Variants in GABRA3 observed in about 807,000 individuals in gnomAD.
GABRA3 encodes the protein gamma-aminobutyric acid type A receptor subunit alpha3.
GABRA3 carries 10 observed loss-of-function variants against 30.1 expected under a neutral mutation model. The ratio of observed to expected loss-of-function variants is 0.33; its 90% confidence interval spans 0.20 to 0.56. The LOEUF (loss-of-function observed/expected upper bound fraction) is 0.56, where lower values mean the gene tolerates loss of function less well. Among genes scored for constraint, GABRA3 ranks in the 20% least tolerant of loss-of-function variants. The pLI is 0.89. For missense variants in GABRA3, 233 were observed against 392.0 expected (o/e 0.59, Z 3.42); for synonymous variants, 151 against 146.8 (o/e 1.03, Z -0.21).
chrX:152,433,347 C>T (rs12690216), intron 1 of GABRA3, among the ~76,000 whole-genome samples: 27,350 of 107,533 alleles, frequency 0.25, 3,040 homozygotes, highest in East Asian at 0.44. Context: ...AGGGCAAAAT[C>T]GTTTTCATTT....
At chrX:152,340,997 T>C (rs1940304698) in intron 3 of GABRA3, among the ~76,000 whole-genome samples, 1 of 111,458 alleles carries the variant, frequency 9.0e-6, no homozygotes, top group African/African-American at 3.3e-5. Context: ...TTGTACCCAA[T>C]ATGTACTTTT....
intron 4 of GABRA3, among the ~76,000 whole-genome samples, chrX:152,273,791 A>G (rs2124428883): frequency 8.9e-6 from 1 of 111,846 alleles, no homozygotes; most frequent in South Asian, 3.7e-4. Context: ...GGGGAAGGGT[A>G]GTAGGGAGGA....
intron 6 of GABRA3, among the ~76,000 whole-genome samples, chrX:152,215,051 TA>T (rs200413997): frequency 0.013 from 1,322 of 105,250 alleles, 19 homozygotes; most frequent in African/African-American, 0.043. Context: ...TATATATATA[TA>T]TATTTTTTTA....
Position 152,291,977 on chromosome X carries a change from C to CT in GABRA3, c.263-7243dup, listed in dbSNP as rs755405064. On this transcript the variant is annotated intron_variant, in intron 3 of 9. Transcript: ENST00000370314. ...ATCAGGGATATTGGTTTAAAATTCT[C>CT]TTTTTTTTGTTGTGTCTCTGCCAGG... 4.9e-3 allele frequency among the ~76,000 whole-genome samples: 540 copies of CT among 111,088 alleles called. 12 individuals carry two copies. Among genetic ancestry groups the CT allele is most frequent in the African/African-American group, 0.016 (497 of 30,546 alleles).
intron 4 of GABRA3, among the ~76,000 whole-genome samples, chrX:152,269,179 CA>C (rs1293932236): frequency 1.8e-5 from 2 of 111,566 alleles, no homozygotes; most frequent in Non-Finnish European, 1.9e-5. Context: ...AATCAACATT[CA>C]AAAACAGTAA....
intron 7 of GABRA3, among the ~76,000 whole-genome samples, chrX:152,207,049 C>G (rs1937555556): frequency 8.9e-6 from 1 of 111,967 alleles, no homozygotes; most frequent in African/African-American, 3.2e-5. Context: ...TTCTAGATCT[C>G]TAAATCCTGT....
intron 1 of GABRA3, among the ~76,000 whole-genome samples, chrX:152,437,442 T>A (rs1300903898): frequency 8.9e-6 from 1 of 111,765 alleles, no homozygotes; most frequent in Non-Finnish European, 1.9e-5. Context: ...TCATTATTGG[T>A]AAGGTCAGTT....
At chrX:152,338,580 G>A (rs774486123) in intron 3 of GABRA3, among the ~76,000 whole-genome samples, 8 of 111,529 alleles carry the variant, frequency 7.2e-5, no homozygotes, top group African/African-American at 1.3e-4. Context: ...CTGTGCTTTC[G>A]AGGTCTTACA....
chrX:152,326,838 T>C (rs1006079979), intron 3 of GABRA3, among the ~76,000 whole-genome samples: 1 of 111,277 alleles, frequency 9.0e-6, no homozygotes, highest in Non-Finnish European at 1.9e-5. Context: ...GACAGGATTA[T>C]ATTCACACAT....
chrX:152,358,704 T>A (rs1569406745), intron 2 of GABRA3, among the ~76,000 whole-genome samples: 1 of 111,631 alleles, frequency 9.0e-6, no homozygotes, highest in Non-Finnish European at 1.9e-5. Flanking sequence ...CTTATTATTT[T>A]GAAGTATGTT....
chrX:152,242,642 C>T (rs577753949), intron 5 of GABRA3, among the ~76,000 whole-genome samples: 3 of 112,070 alleles, frequency 2.7e-5, no homozygotes, highest in East Asian at 5.6e-4. Flanking sequence ...TGAAAAGAGG[C>T]TCAACTTCAT....
chrX:152,439,434 GT>G (rs1930862593), intron 1 of GABRA3, among the ~76,000 whole-genome samples: 1 of 111,448 alleles, frequency 9.0e-6, no homozygotes, highest in Admixed American at 9.6e-5. Context: ...GCCTGGTCTA[GT>G]TTTTTAAAGA....
At chrX:152,258,551 T>C (rs1938676205) in intron 4 of GABRA3, among the ~76,000 whole-genome samples, 1 of 112,020 alleles carries the variant, frequency 8.9e-6, no homozygotes, top group Non-Finnish European at 1.9e-5. Flanking sequence ...TGTTGAAATA[T>C]ATGCATCCTT....
chrX:152,287,035 C>T (rs1055769234), intron 3 of GABRA3, among the ~76,000 whole-genome samples: 4 of 111,329 alleles, frequency 3.6e-5, no homozygotes, highest in Non-Finnish European at 7.5e-5. Flanking sequence ...GAAGCAAATG[C>T]CTATATACCT....
chrX:152,241,447 GCTGT>G (rs1938368094), intron 5 of GABRA3, among the ~76,000 whole-genome samples: 1 of 106,272 alleles, frequency 9.4e-6, no homozygotes, highest in South Asian at 4.2e-4. Flanking sequence ...AGAGGTTACT[GCTGT>G]CTTTTTGTTT....
At chrX:152,450,928 C>G (rs777114402) in intron 1 of GABRA3, among the ~76,000 whole-genome samples, 1 of 112,933 alleles carries the variant, frequency 8.9e-6, no homozygotes, top group Non-Finnish European at 1.9e-5. Context: ...CGCAACCCCC[C>G]TTCCTCAAAT....
rs192239231 is a variant in GABRA3, at chrX:152,304,253, C to G, written c.263-19518G>C. On this transcript the variant is annotated intron_variant, in intron 3 of 9. Coordinates refer to ENST00000370314, the MANE Select transcript of GABRA3 (RefSeq NM_000808.4). ...TATTTTCTCTCATTCTGTAGGTTGT[C>G]TGTTAACTCTGTTGATAATTTTTTC... is the stretch of plus-strand genomic sequence containing the variant. 9.6e-4 allele frequency among the ~76,000 whole-genome samples: 107 copies of G among 111,912 alleles called. 2 individuals carry two copies. In the East Asian group the frequency reaches 0.019, roughly 20 times the overall value.
intron 1 of GABRA3, among the ~76,000 whole-genome samples, chrX:152,384,467 A>G (rs1235896952): frequency 8.9e-6 from 1 of 112,160 alleles, no homozygotes; most frequent in East Asian, 2.8e-4. Flanking sequence ...ATATAGGTTT[A>G]TAAGACAATT....
chrX:152,294,231 G>C (rs1939481025), intron 3 of GABRA3, among the ~76,000 whole-genome samples: 1 of 111,230 alleles, frequency 9.0e-6, no homozygotes, highest in Admixed American at 9.6e-5. Context: ...TTTCCAACTT[G>C]GTTCCATTCT....
Sources: allele counts gnomAD v4.1 joint callset (sites outside exome capture counted in the v4.1 genomes callset), GRCh38; gene constraint gnomAD v4.1.1; transcripts MANE v1.5; gene names NCBI Gene and HGNC (gene_info 2026-07-23, HGNC 2026-07-21).